Variants in RPS6KA2 observed in about 807,000 individuals in gnomAD.
The protein encoded by RPS6KA2 is ribosomal protein S6 kinase alpha-2.
RPS6KA2 carries 42 observed loss-of-function variants against 91.8 expected under a neutral mutation model. That is an observed-to-expected ratio of 0.46 (90% CI 0.36 to 0.59). The LOEUF is 0.59. RPS6KA2 is among the 20% of genes least tolerant of loss of function. RPS6KA2 has a pLI of 0.00. For synonymous variants in RPS6KA2, 414 were observed against 393.6 expected, an observed-to-expected ratio of 1.05 and a Z score of -0.61; for missense variants, 798 against 978.5, an observed-to-expected ratio of 0.82 and a Z score of 2.46.
intron 16 of RPS6KA2, among the ~76,000 whole-genome samples, chr6:166,427,988 A>G (rs907904400): frequency 7.3e-5 from 11 of 151,074 alleles, no homozygotes; most frequent in Admixed American, 6.6e-4. Flanking sequence ...AGCCGCCCGC[A>G]TCGCCAAGTC....
chr6:166,546,270 A>G (rs1783825207), intron 1 of RPS6KA2, among the ~76,000 whole-genome samples: 1 of 152,204 alleles, frequency 6.6e-6, no homozygotes, highest in African/African-American at 2.4e-5. Flanking sequence ...AGGTCAAGCC[A>G]CAGTGTTTCC....
Position 166,802,886 on chromosome 6 carries a change from C to T in RPS6KA2, c.123+55314G>A, listed in dbSNP as rs140803754. Among the ~76,000 whole-genome samples, 12 of 151,548 alleles carry T rather than the reference C, an allele frequency of 7.9e-5. No individual in the cohort carries two copies. The East Asian group carries it at 1.9e-3, about 24-fold the overall frequency. ...TTAAATTAAATGTTTAAATGATAAT[C>T]TTCATGAACAAGTGATAAACCATAG... On this transcript the variant is annotated intron_variant, in intron 2 of 21. Transcript: ENST00000503859.
chr6:166,841,812 G>A (rs898869616), intron 2 of RPS6KA2, among the ~76,000 whole-genome samples: 1 of 152,220 alleles, frequency 6.6e-6, no homozygotes, highest in African/African-American at 2.4e-5. Context: ...GAAGAGGCCA[G>A]GAGTGAGGCT....
chr6:166,744,222 G>A (rs965815806), intron 2 of RPS6KA2, among the ~76,000 whole-genome samples: 4 of 152,232 alleles, frequency 2.6e-5, no homozygotes, highest in African/African-American at 7.2e-5. Context: ...AAAAGTCTCT[G>A]AGGACAGCCA....
At chr6:166,447,550 G>A (rs538337581) in intron 14 of RPS6KA2, among the ~76,000 whole-genome samples, 3 of 152,178 alleles carry the variant, frequency 2.0e-5, no homozygotes, top group South Asian at 2.1e-4. Context: ...CACGGTAGAC[G>A]TTCCCAGTGA....
At position 166,681,692 on chromosome 6, in the gene RPS6KA2, CCCCCCCCCCG is replaced by C. The variant is rs1205127290; in HGVS notation, c.124-142918_124-142909del. Among the ~76,000 whole-genome samples, 15 of 3,084 alleles carry C rather than the reference CCCCCCCCCCG, an allele frequency of 4.9e-3. No homozygotes were observed. The South Asian group carries it at 0.22, about 45-fold the overall frequency. The allele number at this position is 3,084 out of a possible 152,430, so 2.0% of individuals were successfully genotyped here. A position where few individuals can be genotyped will look rare whatever the true frequency, so the allele number is the denominator to read the frequency against. ...TCTCCCTGGATCTCCCCCTGCCCGCCCCCCCCCCCGCCCCCGCCCAAGATCTTGCTCTTGG... is the reference window on the plus strand; with the variant it reads ...TCTCCCTGGATCTCCCCCTGCCCGCCCCCCCGCCCAAGATCTTGCTCTTGG... On this transcript the variant is annotated intron_variant, in intron 2 of 21. Coordinates refer to the RPS6KA2 transcript ENST00000503859.
chr6:166,460,733 C>T (rs370978350), intron 11 of RPS6KA2: 1 of 152,302 alleles, frequency 6.6e-6, no homozygotes, highest in Non-Finnish European at 1.5e-5. Flanking sequence ...GGAGGGTCCC[C>T]ACGGTGTTCG....
At chr6:166,840,390 T>C (rs1440155221) in intron 2 of RPS6KA2, among the ~76,000 whole-genome samples, 1 of 152,248 alleles carries the variant, frequency 6.6e-6, no homozygotes, top group Admixed American at 6.5e-5. Flanking sequence ...CGAGTAGAGC[T>C]GCCCGGGGAC....
At chr6:166,452,759 A>T (rs1238061593) in intron 12 of RPS6KA2, among the ~76,000 whole-genome samples, 1 of 152,212 alleles carries the variant, frequency 6.6e-6, no homozygotes, top group Non-Finnish European at 1.5e-5. Context: ...TAAGCAAAAG[A>T]ATGAAACTGG....
chr6:166,440,003 C>T (rs1779468071), intron 14 of RPS6KA2: 1 of 152,290 alleles, frequency 6.6e-6, no homozygotes, highest in South Asian at 2.1e-4. Context: ...GCTGTGTATC[C>T]ACTCTCAGCC....
chr6:166,413,107 C>G (rs2235298), intron 20 of RPS6KA2, among the ~76,000 whole-genome samples: 85,995 of 152,004 alleles, frequency 0.57, 27,332 homozygotes, highest in South Asian at 0.84. Flanking sequence ...CTGCCCCCCC[C>G]ACCCCATGCC....
intron 1 of RPS6KA2, among the ~76,000 whole-genome samples, chr6:166,562,729 G>T (rs771480095): frequency 6.6e-6 from 1 of 152,348 alleles, no homozygotes; most frequent in East Asian, 1.9e-4. Flanking sequence ...CCTCAGAAGA[G>T]GTTTATCCCA....
In RPS6KA2 at chr6:166,557,057, G is replaced by A. The variant is rs115081741; in HGVS notation, c.100-18273C>T. Reference sequence around the variant, plus strand: ...AGACCACGGGGCATTAGCCGGGGCTGACTCATCACATCCCGCCTCGCCAAA... The same window carrying A: ...AGACCACGGGGCATTAGCCGGGGCTAACTCATCACATCCCGCCTCGCCAAA... On this transcript the variant is annotated intron_variant, in intron 1 of 20. Transcript: ENST00000265678. The surrounding 1 kb of genome is among the most constrained non-coding windows in gnomAD (Gnocchi z 4.8). Among the ~76,000 whole-genome samples, 1,075 of 152,328 alleles carry A rather than the reference G, an allele frequency of 7.1e-3. 11 individuals carry two copies. The highest frequency in any genetic ancestry group is 0.024 in the African/African-American group (995 of 41,570).
intron 2 of RPS6KA2, among the ~76,000 whole-genome samples, chr6:166,653,696 G>A (rs541614024): frequency 6.6e-6 from 1 of 152,308 alleles, no homozygotes; most frequent in Non-Finnish European, 1.5e-5. Flanking sequence ...AAAAGAGAAA[G>A]GAATGCTACT....
At chr6:166,685,455 C>G (rs1229894680) in intron 2 of RPS6KA2, among the ~76,000 whole-genome samples, 2 of 152,244 alleles carry the variant, frequency 1.3e-5, no homozygotes, top group Non-Finnish European at 2.9e-5. Flanking sequence ...CTCCCTCAGA[C>G]ACTCGGGACA....
Position 166,627,227 on chromosome 6 carries a change from C to T in RPS6KA2, c.-208G>A. On this transcript the variant is annotated 5_prime_UTR_variant, in exon 1 of 21. Transcript: ENST00000265678. ...CCGGGGCCACAATCGCTCCCTCCGC[C>T]TCCTTCTCCGCCTCCCCTGCGAGTA... is the stretch of plus-strand genomic sequence containing the variant. 2.9e-6 allele frequency: 3 copies of T among 1,025,720 alleles called. No individual in the cohort carries two copies. Among genetic ancestry groups the T allele is most frequent in the Non-Finnish European group, 3.5e-6 (3 of 857,206 alleles). The allele number at this position is 1,025,720 out of a possible 1,614,324, so 63.5% of individuals were successfully genotyped here.
At chr6:166,814,358 C>T (rs568796764) in intron 2 of RPS6KA2, among the ~76,000 whole-genome samples, 235 of 152,304 alleles carry the variant, frequency 1.5e-3, no homozygotes, top group African/African-American at 4.9e-3. Flanking sequence ...ATTGGTCATT[C>T]TTATTCACTG....
chr6:166,659,093 G>A (rs1788084577), intron 2 of RPS6KA2, among the ~76,000 whole-genome samples: 1 of 152,094 alleles, frequency 6.6e-6, no homozygotes, highest in African/African-American at 2.4e-5. Flanking sequence ...CTTACATGGG[G>A]ATCACAGAGT....
chr6:166,668,222 C>T (rs972534665), intron 2 of RPS6KA2, among the ~76,000 whole-genome samples: 1 of 152,184 alleles, frequency 6.6e-6, no homozygotes, highest in African/African-American at 2.4e-5. Flanking sequence ...GTGAAGACAG[C>T]GTTCCTGAAC....
Sources: gnomAD v4.1 joint callset for allele counts (sites outside exome capture counted in the v4.1 genomes callset) on GRCh38, gnomAD v4.1.1 for gene constraint, Gnocchi (gnomAD v3.1) non-coding constraint, MANE v1.5 for transcripts, NCBI Gene and HGNC (gene_info 2026-07-23, HGNC 2026-07-21) for gene names.